The following BAALC variants were observed in gnomAD, a reference collection of about 807,000 sequenced individuals.
BAALC encodes brain and acute leukemia cytoplasmic protein.
A neutral mutation model predicts 15.5 loss-of-function variants in BAALC; 9 were observed. The observed-to-expected ratio is 0.58, with a 90% CI of 0.35 to 1.02. The LOEUF (loss-of-function observed/expected upper bound fraction) is 1.02. BAALC is among the 50% of genes least tolerant of loss of function. The probability of loss-of-function intolerance (pLI) is 0.02; values close to 1 mark genes in which losing one functional copy is unlikely to be tolerated. For synonymous variants in BAALC, 80 were observed against 74.6 expected, an observed-to-expected ratio of 1.07 and a Z score of -0.37; for missense variants, 201 against 192.4, an observed-to-expected ratio of 1.04 and a Z score of -0.27.
chr8:103,149,541 C>T (rs1206918024), intron 1 of BAALC, among the ~76,000 whole-genome samples: 1 of 152,202 alleles, frequency 6.6e-6, no homozygotes, highest in Non-Finnish European at 1.5e-5. Context: ...TTTCAGGTCC[C>T]ATGAAGACGA....
At chr8:103,191,327 C>T (rs1425726900) in intron 1 of BAALC, 1 of 152,134 alleles carries the variant, frequency 6.6e-6, no homozygotes, top group Non-Finnish European at 1.5e-5. Flanking sequence ...ATTTCTAGGA[C>T]AGAAACTGCC....
At chr8:103,191,773 C>T (rs1206133792) in intron 1 of BAALC, among the ~76,000 whole-genome samples, 1 of 152,080 alleles carries the variant, frequency 6.6e-6, no homozygotes, top group Non-Finnish European at 1.5e-5. Flanking sequence ...TGCATCTACA[C>T]CCAGAACTTT....
intron 2 of BAALC, chr8:103,215,074 G>A (rs780283552): frequency 3.9e-5 from 6 of 152,238 alleles, no homozygotes; most frequent in Non-Finnish European, 8.8e-5. Flanking sequence ...CTCTGAGCCA[G>A]GATAAGCCGT....
rs1018375628 is a variant in BAALC, at chr8:103,230,183, C to T, written c.*2084C>T. 5 of 149,042 alleles carry T rather than the reference C, an allele frequency of 3.4e-5. No individual in the cohort carries two copies. Among genetic ancestry groups the T allele is most frequent in the Non-Finnish European group, 7.4e-5 (5 of 67,318 alleles). The allele number at this position is 149,042 out of a possible 1,614,324, so 9.2% of individuals were successfully genotyped here. A position where few individuals can be genotyped will look rare whatever the true frequency, so the allele number is the denominator to read the frequency against. On this transcript the variant is annotated 3_prime_UTR_variant, in exon 3 of 3. Transcript: ENST00000309982. ...AGCAACCAGAAGTTAAACCATGTGA[C>T]TAAAAATGCATCTGGCTACTTTTTC...
rs970814352 is a variant in BAALC at position 103,198,750 on chromosome 8, A to C, written c.161-14169A>C. Among the ~76,000 whole-genome samples, 3 of 138,586 alleles carry C rather than the reference A, an allele frequency of 2.2e-5. No individual in the cohort carries two copies. In the Admixed American group the frequency reaches 2.6e-4, roughly 12 times the overall value. The allele number at this position is 138,586 out of a possible 152,430, so 90.9% of individuals were successfully genotyped here. A position where few individuals can be genotyped will look rare whatever the true frequency, so the allele number is the denominator to read the frequency against. ...GAAACCCTGTCTGTATTAAAAATAC[A>C]AAAAAAAAAAAATTGCCAGGTGTGG... is the stretch of plus-strand genomic sequence containing the variant. On this transcript the variant is annotated intron_variant, in intron 1 of 2. Coordinates refer to ENST00000309982, the MANE Select transcript of BAALC (RefSeq NM_024812.3).
chr8:103,146,016 C>CT (rs1232956271), intron 1 of BAALC, among the ~76,000 whole-genome samples: 3 of 152,058 alleles, frequency 2.0e-5, no homozygotes, highest in Non-Finnish European at 4.4e-5. Context: ...TAAAAGACAT[C>CT]TTTTTTTGCT....
chr8:103,203,364 A>G (rs1812260282), intron 1 of BAALC, among the ~76,000 whole-genome samples: 1 of 152,214 alleles, frequency 6.6e-6, no homozygotes, highest in South Asian at 2.1e-4. Context: ...ATGTGCTTCT[A>G]TATTTTCTTT....
At chr8:103,184,545 C>T (rs1326588387) in intron 1 of BAALC, among the ~76,000 whole-genome samples, 2 of 152,208 alleles carry the variant, frequency 1.3e-5, no homozygotes, top group Admixed American at 6.5e-5. Flanking sequence ...GGCTTAGTGA[C>T]TTGCCCAAAG....
At position 103,227,930 on chromosome 8, in the gene BAALC, G is replaced by T. The variant is rs562918709; in HGVS notation, c.328-59G>T. 34 of 1,205,918 alleles carry T rather than the reference G, an allele frequency of 2.8e-5. No individual in the cohort carries two copies. In the South Asian group the frequency reaches 3.2e-4, roughly 11 times the overall value. The allele number at this position is 1,205,918 out of a possible 1,614,324, so 74.7% of individuals were successfully genotyped here. Reference sequence around the variant, plus strand: ...CTCTAAATTGATTGAGACTTGCCTCGGTCATTTTCTTTGGTTTACATTTCC... The same window carrying T: ...CTCTAAATTGATTGAGACTTGCCTCTGTCATTTTCTTTGGTTTACATTTCC... On this transcript the variant is annotated intron_variant, in intron 2 of 2. Transcript: ENST00000309982.
intron 1 of BAALC, among the ~76,000 whole-genome samples, chr8:103,196,725 A>G (rs1381513461): frequency 2.6e-5 from 4 of 151,996 alleles, no homozygotes; most frequent in African/African-American, 7.3e-5. Context: ...GGCTTGGTGA[A>G]CCTCCCTGGT....
intron 1 of BAALC, among the ~76,000 whole-genome samples, chr8:103,205,084 T>A (rs1223784663): frequency 1.3e-5 from 2 of 152,222 alleles, no homozygotes. Flanking sequence ...TTGAGGAGAA[T>A]GACTTGCAGG....
intron 1 of BAALC, among the ~76,000 whole-genome samples, chr8:103,158,589 A>T (rs1391257650): frequency 1.3e-5 from 2 of 152,190 alleles, no homozygotes; most frequent in African/African-American, 4.8e-5. Context: ...ATACCTGGAC[A>T]ATTGATCTGA....
intron 2 of BAALC, among the ~76,000 whole-genome samples, chr8:103,217,925 CT>C (rs1812595611): frequency 6.6e-6 from 1 of 152,124 alleles, no homozygotes; most frequent in South Asian, 2.1e-4. Flanking sequence ...GAAGCAGCTG[CT>C]AGTTTTAATG....
At chr8:103,222,976 C>T (rs1007463807) in intron 2 of BAALC, among the ~76,000 whole-genome samples, 1 of 152,118 alleles carries the variant, frequency 6.6e-6, no homozygotes, top group African/African-American at 2.4e-5. Context: ...TTTGCTGGGG[C>T]CTGAGTAGGT....
chr8:103,202,134 C>T (rs1270474855), intron 1 of BAALC, among the ~76,000 whole-genome samples: 1 of 152,162 alleles, frequency 6.6e-6, no homozygotes, highest in South Asian at 2.1e-4. Flanking sequence ...TATGTGAGAT[C>T]ATAAATGTTA....
intron 1 of BAALC, among the ~76,000 whole-genome samples, chr8:103,152,715 C>T (rs1305319341): frequency 6.6e-6 from 1 of 152,174 alleles, no homozygotes; most frequent in Non-Finnish European, 1.5e-5. Flanking sequence ...GAAACCAACT[C>T]CAGGAATGGG....
Position 103,146,935 on chromosome 8 carries a change from T to C in BAALC, c.160+5878T>C, listed in dbSNP as rs866852842. ...AGACACTTTGAGAGTCTAGTGATGG[T>C]ACCTGTCACACTGCATTGCCAGGGC... On this transcript the variant is annotated intron_variant, in intron 1 of 2. Coordinates refer to ENST00000309982, the MANE Select transcript of BAALC (RefSeq NM_024812.3). Among the ~76,000 whole-genome samples the C allele has an allele frequency of 6.4e-5, 9 of 139,732 alleles. No individual in the cohort carries two copies. In the South Asian group the frequency reaches 2.0e-3, roughly 32 times the overall value. 91.7% of individuals were successfully genotyped at this position (139,732 alleles called of 152,430 possible). A position where few individuals can be genotyped will look rare whatever the true frequency, so the allele number is the denominator to read the frequency against.
At chr8:103,216,040 T>C (rs1322299505) in intron 2 of BAALC, among the ~76,000 whole-genome samples, 1 of 152,248 alleles carries the variant, frequency 6.6e-6, no homozygotes, top group African/African-American at 2.4e-5. Context: ...AGCTTTTTCA[T>C]GTCTGGCTTC....
intron 1 of BAALC, among the ~76,000 whole-genome samples, chr8:103,206,991 G>A (rs1050646604): frequency 3.9e-5 from 6 of 152,108 alleles, no homozygotes; most frequent in Non-Finnish European, 8.8e-5. Context: ...TAATATAATC[G>A]GCAAGGCTTC....
Sources: gnomAD v4.1 joint callset for allele counts (sites outside exome capture counted in the v4.1 genomes callset) on GRCh38, gnomAD v4.1.1 for gene constraint, MANE v1.5 for transcripts, NCBI Gene and HGNC (gene_info 2026-07-23, HGNC 2026-07-21) for gene names.